ADAM12: variants seen among roughly 807,000 people sequenced by gnomAD.
ADAM12 encodes ADAM metallopeptidase domain 12.
A neutral mutation model predicts 106.4 loss-of-function variants in ADAM12; 70 were observed. The observed-to-expected ratio is 0.66, with a 90% CI of 0.54 to 0.80. The LOEUF (loss-of-function observed/expected upper bound fraction) is 0.80. Ranked by LOEUF, ADAM12 falls within the 30% of genes least tolerant of loss-of-function variation. ADAM12 has a pLI of 0.00. For missense variants in ADAM12, 1,010 were observed against 1,171.9 expected, an observed-to-expected ratio of 0.86 and a Z score of 2.02; for synonymous variants, 420 against 433.5, an observed-to-expected ratio of 0.97 and a Z score of 0.39.
chr10:126,270,693 C>A (rs1421053840), intron 3 of ADAM12, among the ~76,000 whole-genome samples: 4 of 152,182 alleles, frequency 2.6e-5, no homozygotes, highest in Non-Finnish European at 5.9e-5. Flanking sequence ...ACAAGCGCTC[C>A]AGGTGGTCCT....
chr10:126,343,132 G>A (rs374769254), intron 1 of ADAM12, among the ~76,000 whole-genome samples: 8 of 151,694 alleles, frequency 5.3e-5, no homozygotes, highest in Admixed American at 2.0e-4. Context: ...CCATTAACTC[G>A]TCAGTCATTT....
chr10:126,340,211 A>G (rs1854874808), intron 1 of ADAM12, among the ~76,000 whole-genome samples: 1 of 152,180 alleles, frequency 6.6e-6, no homozygotes, highest in South Asian at 2.1e-4. Flanking sequence ...TTCTCTGCCT[A>G]AGAATGGATT....
At chr10:126,071,709 G>C (rs1167321775) in intron 11 of ADAM12, 55 bp from the exon 12 acceptor site, 9 of 1,589,774 alleles carry the variant, frequency 5.7e-6, no homozygotes, top group Non-Finnish European at 7.7e-6. Flanking sequence ...GGCTTTGTCT[G>C]CCCTTCTTGT....
intron 1 of ADAM12, among the ~76,000 whole-genome samples, chr10:126,348,779 A>G (rs1855245924): frequency 6.6e-6 from 1 of 152,236 alleles, no homozygotes; most frequent in Non-Finnish European, 1.5e-5. Context: ...GAATGATCAA[A>G]TTTAGCAAAT....
chr10:126,083,336 G>A (rs143588090), intron 11 of ADAM12, among the ~76,000 whole-genome samples: 1 of 152,220 alleles, frequency 6.6e-6, no homozygotes, highest in African/African-American at 2.4e-5. Context: ...GATCTGACTA[G>A]AAGGCCTGTG....
rs1015901183 is a variant in ADAM12, at chr10:126,187,801, A to T, written c.261-32496T>A. Among the ~76,000 whole-genome samples the T allele has an allele frequency of 7.2e-5, 11 of 152,320 alleles. No individual in the cohort carries two copies. In the East Asian group the frequency reaches 2.1e-3, roughly 29 times the overall value. On this transcript the variant is annotated intron_variant, in intron 3 of 22. Coordinates refer to ENST00000448723, the MANE Select transcript of ADAM12 (RefSeq NM_001288973.2). ...GAATTACTTGATGAGCTAAAATGAA[A>T]GGAGTTTTGAAGACCTCCTTATGTT...
rs1855789657 is a variant in ADAM12 at position 126,362,951 on chromosome 10, C to A, written c.88+25107G>T. On this transcript the variant is annotated intron_variant, in intron 1 of 22. Transcript: ENST00000448723. ...GGAAATAAACTGCAAATGCTCCCAACACAAAAAAGCTACATATTTGAGGTG... is the reference window on the plus strand; with the variant it reads ...GGAAATAAACTGCAAATGCTCCCAAAACAAAAAAGCTACATATTTGAGGTG... Among the ~76,000 whole-genome samples the A allele has an allele frequency of 2.0e-5, 3 of 152,064 alleles. No homozygotes were observed. In the South Asian group the frequency reaches 6.2e-4, roughly 31 times the overall value.
chr10:126,098,521 C>T (rs1419261157), intron 9 of ADAM12, 21 bp from the exon 10 acceptor site: 1 of 1,597,584 alleles, frequency 6.3e-7, no homozygotes, highest in Non-Finnish European at 8.6e-7. Context: ...AAAGAGAGGA[C>T]TTTCTTTAAT....
At chr10:126,264,868 C>T (rs1959067840) in intron 3 of ADAM12, among the ~76,000 whole-genome samples, 1 of 152,166 alleles carries the variant, frequency 6.6e-6, no homozygotes, top group Non-Finnish European at 1.5e-5. Flanking sequence ...TGTTCTCACC[C>T]CAGCATCTAC....
At chr10:126,172,093 T>C (rs1007906346) in intron 3 of ADAM12, among the ~76,000 whole-genome samples, 1 of 152,220 alleles carries the variant, frequency 6.6e-6, no homozygotes, top group African/African-American at 2.4e-5. Flanking sequence ...TAAAAAATAC[T>C]ATTATGATCT....
chr10:126,331,294 T>C (rs777013982), intron 1 of ADAM12, among the ~76,000 whole-genome samples: 2 of 152,164 alleles, frequency 1.3e-5, no homozygotes, highest in African/African-American at 4.8e-5. Context: ...TCGACCACAG[T>C]ATATCCCTCA....
intron 2 of ADAM12, among the ~76,000 whole-genome samples, chr10:126,308,845 T>C (rs1960958971): frequency 6.6e-6 from 1 of 152,218 alleles, no homozygotes; most frequent in African/African-American, 2.4e-5. Flanking sequence ...TTTAATATCG[T>C]ATCCATTGTT....
intron 10 of ADAM12, among the ~76,000 whole-genome samples, chr10:126,096,950 T>C (rs1361671120): frequency 1.3e-5 from 2 of 152,228 alleles, no homozygotes; most frequent in Non-Finnish European, 2.9e-5. Context: ...CTGTATCCTT[T>C]TAAAGAAGGA....
chr10:126,034,686 A>G (rs1289358845), intron 21 of ADAM12, among the ~76,000 whole-genome samples: 1 of 152,198 alleles, frequency 6.6e-6, no homozygotes, highest in Admixed American at 6.5e-5. Context: ...ATGTAATTCC[A>G]TAGGTATGTT....
At chr10:126,237,856 G>A (rs996085421) in intron 3 of ADAM12, among the ~76,000 whole-genome samples, 5 of 152,150 alleles carry the variant, frequency 3.3e-5, no homozygotes, top group African/African-American at 1.2e-4. Flanking sequence ...AAGAGCTTGG[G>A]ACAAGCTAGG....
rs375288728 is a variant in ADAM12 at position 126,025,298 on chromosome 10, CATG to C, written c.2530-5476_2530-5474del. Among the ~76,000 whole-genome samples the C allele has an allele frequency of 1.7e-3, 261 of 152,260 alleles. 2 individuals carry two copies. Among genetic ancestry groups the C allele is most frequent in the Non-Finnish European group, 3.1e-3 (211 of 68,028 alleles). ...AACCCAATTCAAAGAAGCTAGGAAT[CATG>C]ATAAAACAATACAGGAGCTGACAGC... On this transcript the variant is annotated intron_variant, in intron 21 of 22. Coordinates refer to ENST00000448723, the MANE Select transcript of ADAM12 (RefSeq NM_001288973.2).
chr10:126,388,213 C>G lies in ADAM12; in HGVS notation c.-68G>C. On this transcript the variant is annotated 5_prime_UTR_variant, in exon 1 of 23. Transcript: ENST00000448723. The surrounding 1 kb of genome is among the most constrained non-coding windows in gnomAD (Gnocchi z 4.4). The stretch of plus-strand genomic sequence containing the variant: ...AGCGCTGCACCATCCCACGCGGGCG[C>G]CGAGCCGGGGCCGGGCGTCGCGACC... 8.4e-7 allele frequency: 1 copy of G among 1,195,100 alleles called. No homozygotes were observed. Among genetic ancestry groups the G allele is most frequent in the Non-Finnish European group, 1.0e-6 (1 of 964,134 alleles). 74.0% of individuals were successfully genotyped at this position (1,195,100 alleles called of 1,614,324 possible).
At chr10:126,220,911 A>G (rs1013507256) in intron 3 of ADAM12, among the ~76,000 whole-genome samples, 8 of 152,244 alleles carry the variant, frequency 5.3e-5, no homozygotes, top group Non-Finnish European at 2.9e-5. Context: ...GGAAACCCGC[A>G]TCTCCAGCAG....
chr10:126,048,451 T>A (rs1261098708), intron 16 of ADAM12, among the ~76,000 whole-genome samples: 1 of 151,972 alleles, frequency 6.6e-6, no homozygotes, highest in East Asian at 1.9e-4. Flanking sequence ...TGGCTCAGGG[T>A]GTGTGGGGCC....
Sources: allele counts gnomAD v4.1 joint callset (sites outside exome capture counted in the v4.1 genomes callset), GRCh38; gene constraint gnomAD v4.1.1; non-coding constraint Gnocchi (gnomAD v3.1); transcripts MANE v1.5; gene names NCBI Gene and HGNC (gene_info 2026-07-23, HGNC 2026-07-21).